The following FAM83F variants were observed in gnomAD, a reference collection of about 807,000 sequenced individuals.
FAM83F encodes the protein protein FAM83F.
Under a neutral mutation model 42.9 loss-of-function variants are expected in FAM83F, and 45 were observed. That is an observed-to-expected ratio of 1.05 (90% confidence interval 0.83 to 1.35). FAM83F has a LOEUF of 1.35. Among genes scored for constraint, FAM83F ranks in the 40% most tolerant of loss-of-function variants. FAM83F has a pLI of 0.00. For synonymous variants in FAM83F, 306 were observed against 298.3 expected, an observed-to-expected ratio of 1.03 and a Z score of -0.27; for missense variants, 617 against 695.9, an observed-to-expected ratio of 0.89 and a Z score of 1.28.
At chr22:40,016,593 A>C (rs1470412119) in intron 1 of FAM83F, among the ~76,000 whole-genome samples, 1 of 152,182 alleles carries the variant, frequency 6.6e-6, no homozygotes, top group African/African-American at 2.4e-5. Context: ...CACTTATTAA[A>C]TAATAGTAAT....
rs1240119636 is a variant in FAM83F, at chr22:40,032,428, C to T, written c.*2863C>T. The T allele has an allele frequency of 6.6e-6, 1 of 152,186 alleles. No homozygotes were observed. Among genetic ancestry groups the T allele is most frequent in the Non-Finnish European group, 1.5e-5 (1 of 68,050 alleles). 9.4% of individuals were successfully genotyped at this position (152,186 alleles called of 1,614,324 possible). On this transcript the variant is annotated 3_prime_UTR_variant, in exon 5 of 5. Coordinates refer to ENST00000333407, the MANE Select transcript of FAM83F (RefSeq NM_138435.4). ...GTCCTTAATCTTATCCCTGACCCCT[C>T]GAGGGCTTTCAAGATAGCCTCTGTT... is the stretch of plus-strand genomic sequence containing the variant.
chr22:40,011,930 C>T (rs2067466887), intron 1 of FAM83F, among the ~76,000 whole-genome samples: 2 of 152,148 alleles, frequency 1.3e-5, no homozygotes, highest in African/African-American at 4.8e-5. Flanking sequence ...TGCTTAAATC[C>T]ACTCACTTCT....
intron 1 of FAM83F, among the ~76,000 whole-genome samples, chr22:40,011,740 C>T (rs1440992588): frequency 3.9e-5 from 6 of 152,230 alleles, no homozygotes; most frequent in African/African-American, 1.4e-4. Flanking sequence ...ACATTCCTCA[C>T]ATTTTCCTTA....
intron 1 of FAM83F, among the ~76,000 whole-genome samples, chr22:40,011,456 A>G (rs1348267579): frequency 6.6e-6 from 1 of 152,068 alleles, no homozygotes; most frequent in Non-Finnish European, 1.5e-5. Flanking sequence ...GGGCTGGGAT[A>G]GTTTATCTAT....
At chr22:39,998,216 G>T (rs2067380654) in intron 1 of FAM83F, among the ~76,000 whole-genome samples, 1 of 152,178 alleles carries the variant, frequency 6.6e-6, no homozygotes, top group Non-Finnish European at 1.5e-5. Flanking sequence ...CTGCTGTGAG[G>T]CCAGGTGGGG....
intron 1 of FAM83F, among the ~76,000 whole-genome samples, chr22:40,018,423 G>A (rs1422519128): frequency 6.6e-6 from 1 of 152,048 alleles, no homozygotes; most frequent in Non-Finnish European, 1.5e-5. Flanking sequence ...GATCTCCCAT[G>A]ATATGGCTTC....
intron 4 of FAM83F, among the ~76,000 whole-genome samples, chr22:40,028,085 C>T (rs1054535619): frequency 1.3e-5 from 2 of 152,264 alleles, no homozygotes; most frequent in Non-Finnish European, 2.9e-5. Flanking sequence ...GCAGAGCCGC[C>T]CCAGACGTGC....
In FAM83F at chr22:40,030,356, G is replaced by A. The variant is rs1259588978; in HGVS notation, c.*791G>A. ...GGGTCCTTACAGGGCCTTTACCTGG[G>A]ACTGCTCCTTCCCTCAGTCAGTAAA... On this transcript the variant is annotated 3_prime_UTR_variant, in exon 5 of 5. Transcript: ENST00000333407. 2 of 152,076 alleles carry A rather than the reference G, an allele frequency of 1.3e-5. No individual in the cohort carries two copies. The highest frequency in any genetic ancestry group is 2.4e-5 in the African/African-American group (1 of 41,388). The allele number at this position is 152,076 out of a possible 1,614,324, so 9.4% of individuals were successfully genotyped here. A position where few individuals can be genotyped will look rare whatever the true frequency, so the allele number is the denominator to read the frequency against.
At position 39,996,802 on chromosome 22, in the gene FAM83F, C is replaced by T. The variant is rs867559165; in HGVS notation, c.489+1271C>T. Among the ~76,000 whole-genome samples the T allele has an allele frequency of 1.3e-4, 20 of 152,270 alleles. No homozygotes were observed. In the Middle Eastern group the frequency reaches 0.01, roughly 78 times the overall value. ...ACTTTCCACTGCGCACATTTCTACC[C>T]TCCCTCTCTATAATTCCTCCCTGTC... On this transcript the variant is annotated intron_variant, in intron 1 of 4. Transcript: ENST00000333407.
At position 39,995,470 on chromosome 22, in the gene FAM83F, A is replaced by G. The variant is rs1455138537; in HGVS notation, c.428A>G (p.Lys143Arg). Residue 143 changes from lysine (K) to arginine (R), a missense_variant, in exon 1 of 5, where the codon AAG becomes AGG. Lys to Arg is a conservative substitution (Grantham distance 26, BLOSUM62 2). Transcript: ENST00000333407. The surrounding 1 kb of genome is among the most constrained non-coding windows in gnomAD (Gnocchi z 4.6). ...GTCACGCTCTTCACCCACCCGCCCAAGGACGAGAAGGCGCCGCACCTCAAG... is the reference window on the plus strand; with the variant it reads ...GTCACGCTCTTCACCCACCCGCCCAGGGACGAGAAGGCGCCGCACCTCAAG... ...SRVTLFTHPPKDEKAPHLKQV... is the reference protein window; with the variant it reads ...SRVTLFTHPPRDEKAPHLKQV... 1 of 1,575,380 alleles carries G rather than the reference A, an allele frequency of 6.3e-7. No homozygotes were observed. Among genetic ancestry groups the G allele is most frequent in the South Asian group, 1.2e-5 (1 of 86,130 alleles).
intron 1 of FAM83F, among the ~76,000 whole-genome samples, chr22:40,007,239 CCTCCTCCT>C (rs1269299484): frequency 6.6e-5 from 9 of 135,944 alleles, no homozygotes; most frequent in African/African-American, 2.3e-4. Flanking sequence ...CCTCCCCTCC[CCTCCTCCT>C]CTCCTCCTCC....
chr22:40,017,324 G>A (rs1167646429), intron 1 of FAM83F, among the ~76,000 whole-genome samples: 1 of 151,610 alleles, frequency 6.6e-6, no homozygotes, highest in East Asian at 1.9e-4. Context: ...TGCCTCCTGG[G>A]TTGCAATGAG....
At chr22:40,014,396 G>T (rs2145716463) in intron 1 of FAM83F, among the ~76,000 whole-genome samples, 1 of 152,022 alleles carries the variant, frequency 6.6e-6, no homozygotes, top group East Asian at 1.9e-4. Context: ...AAATTATTAA[G>T]ATAATTATGA....
At chr22:40,027,845 T>C (rs1355063762) in intron 4 of FAM83F, among the ~76,000 whole-genome samples, 2 of 152,032 alleles carry the variant, frequency 1.3e-5, no homozygotes, top group African/African-American at 4.8e-5. Context: ...GGGAAGCAGC[T>C]ACCCCCACCA....
chr22:40,016,950 C>T (rs139456241), intron 1 of FAM83F, among the ~76,000 whole-genome samples: 324 of 152,350 alleles, frequency 2.1e-3, no homozygotes, highest in African/African-American at 6.5e-3. Context: ...AGGCTTGAGA[C>T]ACTGTATCTG....
At chr22:40,025,466 G>T (rs1401738831) in intron 4 of FAM83F, among the ~76,000 whole-genome samples, 1 of 152,058 alleles carries the variant, frequency 6.6e-6, no homozygotes, top group Non-Finnish European at 1.5e-5. Context: ...CAACAAATAC[G>T]CTTGGAGAGG....
Position 40,035,821 on chromosome 22 carries a change from AG to A in FAM83F, c.*6257del, listed in dbSNP as rs2067620698. Reference sequence around the variant, plus strand: ...ACCTAGCACAGGGGCTGACGCAAACAGCTGGGCATCGGAGGAGCCTCCAGGG... The same window carrying A: ...ACCTAGCACAGGGGCTGACGCAAACACTGGGCATCGGAGGAGCCTCCAGGG... On this transcript the variant is annotated 3_prime_UTR_variant, in exon 5 of 5. Coordinates refer to ENST00000333407, the MANE Select transcript of FAM83F (RefSeq NM_138435.4). 6.6e-6 allele frequency: 1 copy of A among 152,184 alleles called. No homozygotes were observed. The highest frequency in any genetic ancestry group is 6.5e-5 in the Admixed American group (1 of 15,282). 9.4% of individuals were successfully genotyped at this position (152,184 alleles called of 1,614,324 possible). A position where few individuals can be genotyped will look rare whatever the true frequency, so the allele number is the denominator to read the frequency against.
chr22:40,038,387 G>A lies in FAM83F; in HGVS notation c.*8822G>A, dbSNP rs1221719844. 1 of 152,176 alleles carries A rather than the reference G, an allele frequency of 6.6e-6. No individual in the cohort carries two copies. The highest frequency in any genetic ancestry group is 1.5e-5 in the Non-Finnish European group (1 of 68,042). The allele number at this position is 152,176 out of a possible 1,614,324, so 9.4% of individuals were successfully genotyped here. A position where few individuals can be genotyped will look rare whatever the true frequency, so the allele number is the denominator to read the frequency against. Reference sequence around the variant, plus strand: ...GAGAATTATGAGAATCACAATTATCGAGGACACAGTGAAGACTCAGATAAC... The same window carrying A: ...GAGAATTATGAGAATCACAATTATCAAGGACACAGTGAAGACTCAGATAAC... On this transcript the variant is annotated 3_prime_UTR_variant, in exon 5 of 5. Transcript: ENST00000333407.
intron 1 of FAM83F, among the ~76,000 whole-genome samples, chr22:40,003,338 C>G (rs1019241412): frequency 3.9e-5 from 6 of 152,158 alleles, no homozygotes; most frequent in Non-Finnish European, 8.8e-5. Flanking sequence ...GAATCCTAGC[C>G]CAGCAACTGT....
Sources: allele counts gnomAD v4.1 joint callset (sites outside exome capture counted in the v4.1 genomes callset), GRCh38; gene constraint gnomAD v4.1.1; non-coding constraint Gnocchi (gnomAD v3.1); transcripts MANE v1.5; gene names NCBI Gene and HGNC (gene_info 2026-07-23, HGNC 2026-07-21).